CACHD1: variants seen among roughly 807,000 people sequenced by gnomAD.
CACHD1 encodes cache domain containing 1, also known as VWFA and cache domain-containing protein 1.
Under a neutral mutation model 138.7 loss-of-function variants are expected in CACHD1, and 71 were observed. That is an observed-to-expected ratio of 0.51 (90% CI 0.42 to 0.62). CACHD1 has a LOEUF of 0.62. Among genes scored for constraint, CACHD1 ranks in the 20% least tolerant of loss-of-function variants. The probability of loss-of-function intolerance (pLI) is 0.00; values close to 1 mark genes in which losing one functional copy is unlikely to be tolerated. For synonymous variants in CACHD1, 578 were observed against 591.5 expected (o/e 0.98, Z 0.33); for missense variants, 1,389 against 1,625.3 (o/e 0.85, Z 2.50).
intron 1 of CACHD1, among the ~76,000 whole-genome samples, chr1:64,544,205 T>A (rs1003971545): frequency 2.6e-5 from 4 of 152,102 alleles, no homozygotes; most frequent in Admixed American, 2.6e-4. Flanking sequence ...AGAATAAGCT[T>A]TTGAATAAAA....
intron 3 of CACHD1, among the ~76,000 whole-genome samples, chr1:64,597,521 G>GTTTTTTTTTTTTTT (rs1647164030): frequency 1.6e-5 from 1 of 63,856 alleles, no homozygotes; most frequent in African/African-American, 6.6e-5. Flanking sequence ...TTTTTTTTTT[G>GTTTTTTTTTTTTTT]TTGTTTTTTT....
chr1:64,678,156 C>T lies in CACHD1; in HGVS notation c.3093-3C>T, dbSNP rs1650054448. 2 of 1,609,110 alleles carry T rather than the reference C, an allele frequency of 1.2e-6. No homozygotes were observed. The highest frequency in any genetic ancestry group is 2.7e-5 in the African/African-American group (2 of 74,822). The stretch of plus-strand genomic sequence containing the variant: ...AGAAGACTAAGTATTGTTTTTCTGG[C>T]AGGGACTGTTTTGGGGTGCTGGATT... On this transcript the variant is annotated splice_polypyrimidine_tract_variant and splice_region_variant and intron_variant, in intron 22 of 26. Transcript: ENST00000651257.
In CACHD1 at chr1:64,658,888, C is replaced by CTT. The variant is rs1282458211; in HGVS notation, c.1951+16_1951+17dup. 2.0e-6 allele frequency: 3 copies of CTT among 1,537,174 alleles called. No individual in the cohort carries two copies. The East Asian group carries it at 7.3e-5, about 37-fold the overall frequency. ...GGCAACCCTAGGTAAAGCCCTTACA[C>CTT]TTCCTTCACATTCTTACTCTTAGCA... On this transcript the variant is annotated intron_variant, in intron 13 of 26. Transcript: ENST00000651257.
chr1:64,658,416 A>G (rs1049066644), intron 12 of CACHD1, among the ~76,000 whole-genome samples: 4 of 152,224 alleles, frequency 2.6e-5, no homozygotes, highest in African/African-American at 9.6e-5. Flanking sequence ...ATTAGCAAAA[A>G]AAGACTAGGG....
chr1:64,637,425 A>G (rs1648563168), intron 7 of CACHD1, among the ~76,000 whole-genome samples: 1 of 152,224 alleles, frequency 6.6e-6, no homozygotes, highest in Admixed American at 6.5e-5. Flanking sequence ...AAGAGATGCC[A>G]GAAATCTGGA....
At chr1:64,500,230 T>G (rs2100320108) in intron 1 of CACHD1, among the ~76,000 whole-genome samples, 1 of 152,286 alleles carries the variant, frequency 6.6e-6, no homozygotes, top group East Asian at 1.9e-4. Context: ...TCCACCTACC[T>G]GCAAGGGAGC....
intron 2 of CACHD1, among the ~76,000 whole-genome samples, chr1:64,564,146 G>A (rs12568152): frequency 0.038 from 5,770 of 152,096 alleles, 158 homozygotes; most frequent in East Asian, 0.12. Context: ...GTCTAAAGAC[G>A]GATCCTCCGA....
intron 4 of CACHD1, among the ~76,000 whole-genome samples, chr1:64,603,537 C>CT (rs1647257086): frequency 6.6e-6 from 1 of 152,140 alleles, no homozygotes; most frequent in Non-Finnish European, 1.5e-5. Flanking sequence ...ACCCAGTTAT[C>CT]TTTGCAATAG....
intron 26 of CACHD1, among the ~76,000 whole-genome samples, chr1:64,687,472 C>A (rs1438794976): frequency 2.0e-5 from 3 of 152,148 alleles, no homozygotes; most frequent in African/African-American, 7.2e-5. Flanking sequence ...ACTCTGAAAG[C>A]ACCTCTGTTG....
chr1:64,664,616 G>A lies in CACHD1; in HGVS notation c.2213G>A (p.Gly738Asp), dbSNP rs772651542. ...CGCCGTTACATAGCAACACCCAATG[G>A]CGTCCTCAGAATTTATCCTGGTTCC... Reference protein sequence around the residue: ...IVRRYIATPNGVLRIYPGSLM... With the variant: ...IVRRYIATPNDVLRIYPGSLM... The change falls in exon 15 of 27, where the codon GGC (glycine) becomes GAC (aspartate). Residue 738 changes from glycine (G) to aspartate (D), a missense_variant. Transcript: ENST00000651257. The A allele has an allele frequency of 9.9e-6, 16 of 1,613,996 alleles. No homozygotes were observed. Among genetic ancestry groups the A allele is most frequent in the Non-Finnish European group, 1.1e-5 (13 of 1,180,022 alleles).
intron 2 of CACHD1, among the ~76,000 whole-genome samples, chr1:64,553,191 G>A (rs1438347899): frequency 1.3e-5 from 2 of 152,118 alleles, no homozygotes. Flanking sequence ...AACAATAAAA[G>A]CTCATATTTA....
intron 13 of CACHD1, 102 bp from the exon 14 acceptor site, chr1:64,663,593 G>GCCA (rs1041649358): frequency 7.9e-7 from 1 of 1,263,628 alleles, no homozygotes; most frequent in Admixed American, 2.3e-5. Context: ...AAGACATTAA[G>GCCA]CCACCATAGC....
At chr1:64,656,066 G>A (rs77609360) in intron 12 of CACHD1, among the ~76,000 whole-genome samples, 3 of 152,338 alleles carry the variant, frequency 2.0e-5, no homozygotes, top group Non-Finnish European at 4.4e-5. Flanking sequence ...TGTATCAGTT[G>A]GATCAGGAAA....
intron 4 of CACHD1, among the ~76,000 whole-genome samples, chr1:64,628,348 A>G (rs1648185527): frequency 1.3e-5 from 2 of 152,128 alleles, no homozygotes; most frequent in African/African-American, 4.8e-5. Context: ...AATTATTACA[A>G]TAGGGCTTGT....
chr1:64,679,240 T>C (rs1165057915), intron 23 of CACHD1, among the ~76,000 whole-genome samples: 1 of 152,226 alleles, frequency 6.6e-6, no homozygotes, highest in Non-Finnish European at 1.5e-5. Flanking sequence ...TACTCTGTAC[T>C]AGGTGACTTT....
chr1:64,624,637 T>C (rs1035743509), intron 4 of CACHD1, among the ~76,000 whole-genome samples: 12 of 152,172 alleles, frequency 7.9e-5, no homozygotes, highest in Non-Finnish European at 1.8e-4. Context: ...AAGACAGGCA[T>C]TGTGGTCACA....
rs112369653 is a variant in CACHD1, at chr1:64,681,606, G to C, written c.3484+271G>C. Among the ~76,000 whole-genome samples the C allele has an allele frequency of 5.2e-3, 504 of 96,372 alleles. 1 individual carries two copies. Among genetic ancestry groups the C allele is most frequent in the African/African-American group, 0.02 (491 of 25,068 alleles). 63.2% of individuals were successfully genotyped at this position (96,372 alleles called of 152,430 possible). Reference sequence around the variant, plus strand: ...CCTAAAACAGCTCACCCTTTCCTTTGTTTCTCTTGCTCATTATTTTCCAAC... The same window carrying C: ...CCTAAAACAGCTCACCCTTTCCTTTCTTTCTCTTGCTCATTATTTTCCAAC... On this transcript the variant is annotated intron_variant, in intron 25 of 26. Transcript: ENST00000651257.
Position 64,470,830 on chromosome 1 carries a change from G to C in CACHD1, c.86G>C (p.Trp29Ser), listed in dbSNP as rs1287165085. Residue 29 changes from tryptophan (W) to serine (S), a missense_variant, in exon 1 of 27, where the codon TGG becomes TCG. Transcript: ENST00000651257. The surrounding 1 kb of genome is among the most constrained non-coding windows in gnomAD (Gnocchi z 5.2). ...PLWLLCLVAC[W>S]LLGAGAEADF... ...TGGCTGCTCTGCCTGGTCGCGTGCT[G>C]GCTCCTGGGCGCCGGGGCCGAAGCC... 2 of 1,539,970 alleles carry C rather than the reference G, an allele frequency of 1.3e-6. No homozygotes were observed. The highest frequency in any genetic ancestry group is 1.8e-6 in the Non-Finnish European group (2 of 1,136,608).
chr1:64,598,948 A>ATG (rs1647187908), intron 3 of CACHD1, among the ~76,000 whole-genome samples: 1 of 140,284 alleles, frequency 7.1e-6, no homozygotes, highest in African/African-American at 2.7e-5. Context: ...ATATTAATAT[A>ATG]TATTAATATC....
Sources: allele counts gnomAD v4.1 joint callset (sites outside exome capture counted in the v4.1 genomes callset), GRCh38; gene constraint gnomAD v4.1.1; non-coding constraint Gnocchi (gnomAD v3.1); transcripts MANE v1.5; gene names NCBI Gene and HGNC (gene_info 2026-07-23, HGNC 2026-07-21).